Variants in TAF12 observed in about 807,000 individuals in gnomAD.
TAF12 encodes transcription initiation factor TFIID subunit 12.
Under a neutral mutation model 20.8 loss-of-function variants are expected in TAF12, and 3 were observed. The observed-to-expected ratio is 0.14, with a 90% CI of 0.07 to 0.37. The LOEUF (loss-of-function observed/expected upper bound fraction) is 0.37. TAF12 is among the 10% of genes least tolerant of loss of function. The pLI, the probability that TAF12 is intolerant of heterozygous loss-of-function variation, is 1.00. For synonymous variants in TAF12, 69 were observed against 70.2 expected, an observed-to-expected ratio of 0.98 and a Z score of 0.09; for missense variants, 131 against 197.9, an observed-to-expected ratio of 0.66 and a Z score of 2.03.
rs538366182 is a variant in TAF12, at chr1:28,608,936, C to T, written c.362-3476G>A. 1.4e-4 allele frequency among the ~76,000 whole-genome samples: 21 copies of T among 151,722 alleles called. No homozygotes were observed. In the South Asian group the frequency reaches 3.1e-3, roughly 23 times the overall value. On this transcript the variant is annotated intron_variant, in intron 4 of 5. Transcript: ENST00000373824. ...AGCCTGGGCAAAAAGAGTGAAATTC[C>T]GTCTCAAAAATAAATAAAGAAAGAA...
chr1:28,620,387 C>A (rs1322507174), intron 2 of TAF12, among the ~76,000 whole-genome samples: 3 of 151,838 alleles, frequency 2.0e-5, no homozygotes, highest in Non-Finnish European at 2.9e-5. Context: ...CCTGCCTTGG[C>A]CTCCCAAAGT....
chr1:28,633,788 T>G (rs900579203), intron 1 of TAF12, among the ~76,000 whole-genome samples: 3 of 151,788 alleles, frequency 2.0e-5, no homozygotes, highest in African/African-American at 4.8e-5. Context: ...GGTGCATGCC[T>G]GTAATCCCAG....
chr1:28,615,383 A>T (rs1193669641), intron 3 of TAF12, among the ~76,000 whole-genome samples: 1 of 151,990 alleles, frequency 6.6e-6, no homozygotes, highest in Admixed American at 6.6e-5. Context: ...CATTAAAATA[A>T]GTTAAAAAAA....
chr1:28,625,589 C>T (rs1209868579), intron 1 of TAF12, among the ~76,000 whole-genome samples: 12 of 143,336 alleles, frequency 8.4e-5, no homozygotes, highest in Non-Finnish European at 1.3e-4. Context: ...TCGCCCAGGT[C>T]GGACTGCAGT....
At chr1:28,648,189 C>G in intron 1 of TAF12, 1 of 985,326 alleles carries the variant, frequency 1.0e-6, no homozygotes, top group Non-Finnish European at 1.2e-6. Flanking sequence ...CTTGTCTTCC[C>G]CAGTCAGATA....
intron 1 of TAF12, among the ~76,000 whole-genome samples, chr1:28,630,716 C>T (rs1360388037): frequency 1.3e-5 from 2 of 151,906 alleles, no homozygotes; most frequent in African/African-American, 4.8e-5. Context: ...TGGACTTAAT[C>T]AAAATGTAAA....
At chr1:28,635,276 CTTTTTTT>C (rs1179724707) in intron 1 of TAF12, among the ~76,000 whole-genome samples, 2 of 100,684 alleles carry the variant, frequency 2.0e-5, no homozygotes, top group African/African-American at 3.6e-5. Context: ...ATCCTCCCTC[CTTTTTTT>C]TTTTTTTTTT....
chr1:28,610,852 C>T (rs1436857335), intron 4 of TAF12, among the ~76,000 whole-genome samples: 1 of 150,352 alleles, frequency 6.7e-6, no homozygotes, highest in African/African-American at 2.5e-5. Context: ...CCCAGCTACT[C>T]AGGAGGCTGA....
chr1:28,640,711 A>G (rs1668002038), intron 1 of TAF12, among the ~76,000 whole-genome samples: 2 of 152,216 alleles, frequency 1.3e-5, no homozygotes, highest in Non-Finnish European at 2.9e-5. Context: ...AAATGTTTGC[A>G]CTAAAAATAC....
At chr1:28,644,663 T>TC (rs1339276694), upstream of TAF12, among the ~76,000 whole-genome samples, 4 of 152,222 alleles carry the variant, frequency 2.6e-5, no homozygotes, top group Admixed American at 2.6e-4. Flanking sequence ...AATACTGGAA[T>TC]AAGCCAGACT....
intron 3 of TAF12, among the ~76,000 whole-genome samples, chr1:28,614,457 G>T (rs139049611): frequency 1.4e-3 from 219 of 151,962 alleles, no homozygotes; most frequent in African/African-American, 5.2e-3. Flanking sequence ...GCCAAGGCAG[G>T]TGGATCAACT....
intron 1 of TAF12, among the ~76,000 whole-genome samples, chr1:28,637,690 T>G (rs1247229334): frequency 6.6e-5 from 10 of 152,134 alleles, no homozygotes; most frequent in Admixed American, 6.6e-4. Flanking sequence ...CTTTTTTTTA[T>G]TTTTGCTCTC....
chr1:28,612,604 G>A (rs1162465835), intron 4 of TAF12, among the ~76,000 whole-genome samples: 1 of 149,040 alleles, frequency 6.7e-6, no homozygotes. Context: ...GTTATAGACT[G>A]ATCTCTTTCT....
chr1:28,645,709 G>A (rs959426824), upstream of TAF12, among the ~76,000 whole-genome samples: 3 of 151,974 alleles, frequency 2.0e-5, no homozygotes, highest in Admixed American at 6.6e-5. Context: ...TGTGGCTCAC[G>A]CCTGTAATCC....
chr1:28,608,441 G>A (rs1173400597), intron 4 of TAF12, among the ~76,000 whole-genome samples: 4 of 151,868 alleles, frequency 2.6e-5, no homozygotes, highest in Admixed American at 1.3e-4. Flanking sequence ...AGTAGATAAA[G>A]TGTGCAAAGT....
At chr1:28,636,206 A>C (rs1183472002) in intron 1 of TAF12, among the ~76,000 whole-genome samples, 1 of 152,218 alleles carries the variant, frequency 6.6e-6, no homozygotes, top group African/African-American at 2.4e-5. Context: ...CTTATCAAAA[A>C]GGCAGTATAG....
At chr1:28,618,377 TTTTTG>T (rs1047411112) in intron 2 of TAF12, among the ~76,000 whole-genome samples, 7 of 152,048 alleles carry the variant, frequency 4.6e-5, no homozygotes, top group South Asian at 2.1e-4. Flanking sequence ...CAAGTTTGTT[TTTTTG>T]TTTTGTTTTG....
In TAF12 at chr1:28,643,027, A is replaced by T; in HGVS notation, c.-120T>A. The T allele has an allele frequency of 4.1e-6, 4 of 985,832 alleles. No individual in the cohort carries two copies. The highest frequency in any genetic ancestry group is 2.4e-6 in the Non-Finnish European group (2 of 829,946). The allele number at this position is 985,832 out of a possible 1,614,324, so 61.1% of individuals were successfully genotyped here. On this transcript the variant is annotated 5_prime_UTR_variant, in exon 1 of 6. Transcript: ENST00000373824. Reference sequence around the variant, plus strand: ...GTCTATCTCCCCATGATATGCAGAGACTGCCCCAGTGAAGCGTTCGTCTCA... The same window carrying T: ...GTCTATCTCCCCATGATATGCAGAGTCTGCCCCAGTGAAGCGTTCGTCTCA...
rs547857919 is a variant in TAF12 at position 28,612,934 on chromosome 1, G to A, written c.361+313C>T. Among the ~76,000 whole-genome samples the A allele has an allele frequency of 2.2e-3, 336 of 152,148 alleles. 1 individual carries two copies. Among genetic ancestry groups the A allele is most frequent in the African/African-American group, 7.7e-3 (321 of 41,530 alleles). ...TACAGACATGGTCTATAATTCTCAC[G>A]ATTATTCTGTAAGGAGGATATTATG... On this transcript the variant is annotated intron_variant, in intron 4 of 5. Transcript: ENST00000373824.
Sources: allele counts gnomAD v4.1 joint callset (sites outside exome capture counted in the v4.1 genomes callset), GRCh38; gene constraint gnomAD v4.1.1; transcripts MANE v1.5; gene names NCBI Gene and HGNC (gene_info 2026-07-23, HGNC 2026-07-21).